IGSF5: variants seen among roughly 807,000 people sequenced by gnomAD.
The protein encoded by IGSF5 is immunoglobulin superfamily member 5.
Under a neutral mutation model 39.4 loss-of-function variants are expected in IGSF5, and 41 were observed. The ratio of observed to expected loss-of-function variants is 1.04; its 90% CI spans 0.81 to 1.35. IGSF5 has a LOEUF of 1.35. Ranked by LOEUF, IGSF5 falls within the 40% of genes most tolerant of loss-of-function variation. The probability of loss-of-function intolerance (pLI) is 0.00; values close to 1 mark genes in which losing one functional copy is unlikely to be tolerated. For missense variants in IGSF5, 487 were observed against 494.6 expected (o/e 0.98, Z 0.15); for synonymous variants, 183 against 175.3 (o/e 1.04, Z -0.34).
intron 8 of IGSF5, among the ~76,000 whole-genome samples, chr21:39,795,001 C>A (rs1411617420): frequency 6.6e-6 from 1 of 152,048 alleles, no homozygotes; most frequent in African/African-American, 2.4e-5. Context: ...TTGGGAAAAC[C>A]TAAGTGATAC....
chr21:39,746,004 G>A (rs2079972535), intron 1 of IGSF5, among the ~76,000 whole-genome samples: 2 of 152,176 alleles, frequency 1.3e-5, no homozygotes, highest in Non-Finnish European at 1.5e-5. Context: ...CTGACCTGGG[G>A]TTCTTGGCCT....
intron 5 of IGSF5, among the ~76,000 whole-genome samples, chr21:39,787,048 T>G (rs900948195): frequency 3.9e-5 from 6 of 152,132 alleles, no homozygotes; most frequent in Non-Finnish European, 8.8e-5. Flanking sequence ...GCATGTCACA[T>G]GTATACATAT....
chr21:39,715,994 C>T, the IGSF5 span, among the ~76,000 whole-genome samples: 8 of 152,256 alleles, frequency 5.3e-5, no homozygotes, highest in Non-Finnish European at 2.9e-5. Context: ...TGCCACCTGG[C>T]GGTTACAATG....
At chr21:39,746,438 T>C in intron 2 of IGSF5, 140 bp downstream of exon 2, 1 of 559,994 alleles carries the variant, frequency 1.8e-6, no homozygotes. Flanking sequence ...CCATCCCTCT[T>C]TTTCTATCTC....
chr21:39,743,978 C>G (rs147114309), upstream of IGSF5, among the ~76,000 whole-genome samples: 1 of 152,222 alleles, frequency 6.6e-6, no homozygotes, highest in African/African-American at 2.4e-5. Flanking sequence ...CGTTTCCCAT[C>G]TGAAAAAGGA....
upstream of IGSF5, among the ~76,000 whole-genome samples, chr21:39,741,636 TG>T (rs1388083964): frequency 6.6e-6 from 1 of 152,180 alleles, no homozygotes; most frequent in Non-Finnish European, 1.5e-5. Flanking sequence ...GGCTAATGCC[TG>T]GCCAAATAGA....
intron 5 of IGSF5, among the ~76,000 whole-genome samples, chr21:39,781,829 C>T (rs2080172147): frequency 6.6e-6 from 1 of 152,140 alleles, no homozygotes; most frequent in South Asian, 2.1e-4. Context: ...TTTTCTCTCT[C>T]AGATTTTTGG....
chr21:39,791,834 CAGG>C (rs2086967029), intron 6 of IGSF5, 171 bp from the exon 7 acceptor site: 2 of 553,408 alleles, frequency 3.6e-6, no homozygotes, highest in South Asian at 5.6e-5. Context: ...TGTGAGTAGG[CAGG>C]CGTGCATACC....
chr21:39,735,925 C>T, the IGSF5 span, among the ~76,000 whole-genome samples: 3 of 152,280 alleles, frequency 2.0e-5, no homozygotes, highest in South Asian at 4.1e-4. Context: ...ACAATCTTCG[C>T]CCATTTCAAC....
chr21:39,765,611 C>T lies in IGSF5; in HGVS notation c.177C>T (p.Asn59=). Residue 59 remains asparagine, a synonymous_variant, in exon 3 of 9, where the codon AAC becomes AAT. Coordinates refer to ENST00000380588, the MANE Select transcript of IGSF5 (RefSeq NM_001080444.2). ...TGAAGGGCTCCCAGGCTCGCTTCAA[C>T]TGCACCGTCTCCCAGGGCTGGAAGC... The part of the protein sequence containing the change: ...RVLKGSQARF[N]CTVSQGWKLI... The T allele has an allele frequency of 6.2e-7, 1 of 1,614,148 alleles. No individual in the cohort carries two copies. The highest frequency in any genetic ancestry group is 8.5e-7 in the Non-Finnish European group (1 of 1,179,984).
chr21:39,785,746 G>C (rs957317916), intron 5 of IGSF5, among the ~76,000 whole-genome samples: 2 of 151,948 alleles, frequency 1.3e-5, no homozygotes, highest in Admixed American at 6.6e-5. Flanking sequence ...GCAGTGGTTT[G>C]TAGTTCTCCT....
At chr21:39,779,496 G>T (rs1365116600) in intron 5 of IGSF5, among the ~76,000 whole-genome samples, 191 bp downstream of exon 5, 3 of 152,154 alleles carry the variant, frequency 2.0e-5, no homozygotes, top group Non-Finnish European at 4.4e-5. Context: ...CAGTATGGAG[G>T]TTCCCCCAAA....
the IGSF5 span, among the ~76,000 whole-genome samples, chr21:39,732,909 G>A: frequency 7.9e-5 from 12 of 151,808 alleles, no homozygotes; most frequent in Non-Finnish European, 1.2e-4. Context: ...GCCTGTAGTC[G>A]CAGCTACTTG....
At chr21:39,788,977 G>T (rs1043783581) in intron 6 of IGSF5, among the ~76,000 whole-genome samples, 5 of 152,126 alleles carry the variant, frequency 3.3e-5, no homozygotes, top group East Asian at 1.9e-4. Context: ...ATGTGGCAAA[G>T]GTTATCCCTT....
intron 5 of IGSF5, among the ~76,000 whole-genome samples, chr21:39,785,463 T>C (rs2080195769): frequency 6.6e-6 from 1 of 152,244 alleles, no homozygotes. Context: ...ACTGTAGCCT[T>C]GTAGTATAGT....
chr21:39,741,854 T>G (rs2146265914), upstream of IGSF5, among the ~76,000 whole-genome samples: 1 of 152,254 alleles, frequency 6.6e-6, no homozygotes, highest in East Asian at 1.9e-4. Flanking sequence ...TAGCTGGGTA[T>G]AGAGGAAAAA....
the IGSF5 span, among the ~76,000 whole-genome samples, chr21:39,732,803 A>G: frequency 1.3e-5 from 2 of 152,164 alleles, no homozygotes; most frequent in Non-Finnish European, 2.9e-5. Context: ...AAGCAGGTGG[A>G]TTGCTTGAGC....
the IGSF5 span, among the ~76,000 whole-genome samples, chr21:39,725,006 A>G: frequency 6.6e-6 from 1 of 152,232 alleles, no homozygotes; most frequent in South Asian, 2.1e-4. Context: ...GAGCTGTGCT[A>G]AAGAACCTAT....
the IGSF5 span, among the ~76,000 whole-genome samples, chr21:39,726,790 G>A: frequency 6.6e-6 from 1 of 152,180 alleles, no homozygotes; most frequent in South Asian, 2.1e-4. Flanking sequence ...GCCTCCAGGA[G>A]GAATGACATC....
Sources: allele counts gnomAD v4.1 joint callset (sites outside exome capture counted in the v4.1 genomes callset), GRCh38; gene constraint gnomAD v4.1.1; transcripts MANE v1.5; gene names NCBI Gene and HGNC (gene_info 2026-07-23, HGNC 2026-07-21).